GOLM2: variants seen among roughly 807,000 people sequenced by gnomAD.
The protein encoded by GOLM2 is golgi membrane protein 2.
Under a neutral mutation model 55.9 loss-of-function variants are expected in GOLM2, and 26 were observed. The ratio of observed to expected loss-of-function variants is 0.47; its 90% CI spans 0.34 to 0.65. The LOEUF (loss-of-function observed/expected upper bound fraction) is 0.65. GOLM2 is among the 30% of genes least tolerant of loss of function. The pLI, the probability that GOLM2 is intolerant of heterozygous loss-of-function variation, is 0.01. For synonymous variants in GOLM2, 165 were observed against 194.6 expected, an observed-to-expected ratio of 0.85 and a Z score of 1.27; for missense variants, 486 against 531.8, an observed-to-expected ratio of 0.91 and a Z score of 0.85.
chr15:44,302,665 T>G (rs998452075), intron 1 of GOLM2, among the ~76,000 whole-genome samples: 3 of 151,778 alleles, frequency 2.0e-5, no homozygotes, highest in Non-Finnish European at 4.4e-5. Flanking sequence ...TAATTTTTAT[T>G]TTTTTTGTAG....
At chr15:44,359,039 A>G (rs756046001) in intron 6 of GOLM2, among the ~76,000 whole-genome samples, 1 of 151,914 alleles carries the variant, frequency 6.6e-6, no homozygotes, top group Non-Finnish European at 1.5e-5. Context: ...CGCCTCAGCT[A>G]CTAGGGAGGC....
At chr15:44,342,378 C>T (rs532900602) in intron 6 of GOLM2, among the ~76,000 whole-genome samples, 1 of 152,252 alleles carries the variant, frequency 6.6e-6, no homozygotes, top group Non-Finnish European at 1.5e-5. Flanking sequence ...GGTACTCCCA[C>T]ATCGGCTCCC....
chr15:44,386,324 T>C (rs960040957), intron 8 of GOLM2, among the ~76,000 whole-genome samples: 2 of 152,226 alleles, frequency 1.3e-5, no homozygotes, highest in African/African-American at 4.8e-5. Context: ...GGTATCCTTG[T>C]CAAAAATCTA....
chr15:44,365,893 T>G (rs543067600), intron 6 of GOLM2, among the ~76,000 whole-genome samples: 1 of 152,198 alleles, frequency 6.6e-6, no homozygotes, highest in Non-Finnish European at 1.5e-5. Context: ...ATGTACCACT[T>G]TGGTAGGGGA....
chr15:44,409,205 A>AC lies in GOLM2; in HGVS notation c.1241-4128dup, dbSNP rs1355328352. 7.4e-5 allele frequency among the ~76,000 whole-genome samples: 11 copies of AC among 148,684 alleles called. No individual in the cohort carries two copies. In the East Asian group the frequency reaches 2.2e-3, roughly 29 times the overall value. On this transcript the variant is annotated intron_variant, in intron 9 of 9. Transcript: ENST00000299957. Reference sequence around the variant, plus strand: ...AGGCTGAGGCAGGAGAATGGCGTGAACCCGGGAGGCAGAGCTTGCAGTGAG... The same window carrying AC: ...AGGCTGAGGCAGGAGAATGGCGTGAACCCCGGGAGGCAGAGCTTGCAGTGAG...
intron 2 of GOLM2, among the ~76,000 whole-genome samples, chr15:44,323,560 T>G: frequency 6.6e-6 from 1 of 151,226 alleles, no homozygotes; most frequent in South Asian, 2.1e-4. Context: ...TACTACAGCT[T>G]TTATGGAGAA....
At position 44,289,394 on chromosome 15, in the gene GOLM2, C is replaced by T; in HGVS notation, c.327+38C>T. 1 of 1,547,098 alleles carries T rather than the reference C, an allele frequency of 6.5e-7. No homozygotes were observed. The highest frequency in any genetic ancestry group is 8.8e-7 in the Non-Finnish European group (1 of 1,141,834). On this transcript the variant is annotated intron_variant, in intron 1 of 9. Coordinates refer to ENST00000299957, the MANE Select transcript of GOLM2 (RefSeq NM_138423.4). This position sits in a 1 kb window ranked among gnomAD's most constrained non-coding sequence, Gnocchi z 4.8. ...CTTTTCTCTTCAAACCCCATGGTTT[C>T]TTTTCTCCCCGGGGTCTGGGGCGGG... is the stretch of plus-strand genomic sequence containing the variant.
chr15:44,290,199 ATAAT>A (rs1347567518), intron 1 of GOLM2, among the ~76,000 whole-genome samples: 2 of 152,254 alleles, frequency 1.3e-5, no homozygotes, highest in African/African-American at 4.8e-5. Context: ...TTGCTACTAA[ATAAT>A]CCTTGTTTTC....
intron 6 of GOLM2, among the ~76,000 whole-genome samples, chr15:44,341,309 C>G (rs954003769): frequency 4.6e-5 from 7 of 151,854 alleles, no homozygotes; most frequent in Non-Finnish European, 1.0e-4. Flanking sequence ...CTCGATCTCC[C>G]AACCTTGTGA....
intron 2 of GOLM2, among the ~76,000 whole-genome samples, chr15:44,323,503 A>G (rs900553734): frequency 6.6e-6 from 1 of 150,900 alleles, no homozygotes; most frequent in Admixed American, 6.6e-5. Context: ...AATAATAAAT[A>G]TAAAAATACA....
chr15:44,359,392 C>A (rs1209801047), intron 6 of GOLM2, among the ~76,000 whole-genome samples: 10 of 152,014 alleles, frequency 6.6e-5, no homozygotes, highest in African/African-American at 2.4e-4. Flanking sequence ...TCGAGACCAT[C>A]CTGGCCAACA....
intron 9 of GOLM2, among the ~76,000 whole-genome samples, chr15:44,412,901 G>T: frequency 6.6e-6 from 1 of 151,894 alleles, no homozygotes. Flanking sequence ...TACTTGGGAG[G>T]CTGAGGTAGG....
chr15:44,341,730 T>C (rs2079092155), intron 6 of GOLM2, among the ~76,000 whole-genome samples: 2 of 143,862 alleles, frequency 1.4e-5, no homozygotes, highest in South Asian at 4.5e-4. Flanking sequence ...CGAGTTTCAC[T>C]CTGTCGTCCA....
chr15:44,379,913 AT>A (rs896657885), intron 7 of GOLM2, 125 bp downstream of exon 7: 578 of 487,612 alleles, frequency 1.2e-3, no homozygotes, highest in South Asian at 3.5e-3. Context: ...AGGTAATGTT[AT>A]TTTTTTTTAG....
At chr15:44,304,510 G>A (rs1202455969) in intron 1 of GOLM2, among the ~76,000 whole-genome samples, 1 of 152,032 alleles carries the variant, frequency 6.6e-6, no homozygotes, top group Admixed American at 6.6e-5. Flanking sequence ...CCAAAGTGCT[G>A]GGACTACAGG....
intron 9 of GOLM2, chr15:44,409,655 T>A (rs1465571437): frequency 1.1e-5 from 1 of 93,432 alleles, no homozygotes; most frequent in African/African-American, 4.2e-5. Flanking sequence ...ACGCCTGTAA[T>A]ACCAGCACTT....
intron 6 of GOLM2, among the ~76,000 whole-genome samples, chr15:44,368,199 A>T (rs992668652): frequency 6.6e-6 from 1 of 151,684 alleles, no homozygotes; most frequent in Non-Finnish European, 1.5e-5. Context: ...GTGCAGTGGC[A>T]TGATATCGGC....
Position 44,322,953 on chromosome 15 carries a change from AT to A in GOLM2, c.328-4del, listed in dbSNP as rs767536460. ...TATTTTTTAGTAAAATGAGAACTTA[AT>A]TTTTTTTCAGGTTAAACTACAGAAC... On this transcript the variant is annotated splice_polypyrimidine_tract_variant and intron_variant, in intron 1 of 9. Coordinates refer to ENST00000299957, the MANE Select transcript of GOLM2 (RefSeq NM_138423.4). 1.6e-4 allele frequency: 241 copies of A among 1,549,930 alleles called. 1 individual carries two copies. The East Asian group carries it at 1.8e-3, about 12-fold the overall frequency.
At chr15:44,341,691 ATTT>A (rs752182459) in intron 6 of GOLM2, among the ~76,000 whole-genome samples, 4 of 120,864 alleles carry the variant, frequency 3.3e-5, no homozygotes, top group East Asian at 2.3e-4. Flanking sequence ...ATTTTATTAG[ATTT>A]TTTTTTTTTT....
Sources: gnomAD v4.1 joint callset for allele counts (sites outside exome capture counted in the v4.1 genomes callset) on GRCh38, gnomAD v4.1.1 for gene constraint, Gnocchi (gnomAD v3.1) non-coding constraint, MANE v1.5 for transcripts, NCBI Gene and HGNC (gene_info 2026-07-23, HGNC 2026-07-21) for gene names.